Variants in TEX2 observed in about 807,000 individuals in gnomAD.
TEX2 encodes the protein testis-expressed protein 2.
TEX2 carries 53 observed loss-of-function variants against 106.9 expected under a neutral mutation model. That is an observed-to-expected ratio of 0.50 (90% CI 0.40 to 0.62). TEX2 has a LOEUF of 0.62. TEX2 is among the 20% of genes least tolerant of loss of function. The pLI, the probability that TEX2 is intolerant of heterozygous loss-of-function variation, is 0.00. For missense variants in TEX2, 1,207 were observed against 1,379.0 expected (o/e 0.88, Z 1.98); for synonymous variants, 523 against 534.8 (o/e 0.98, Z 0.30).
In TEX2 at chr17:64,194,901, G is replaced by C. The variant is rs746183528; in HGVS notation, c.1839C>G (p.Asp613Glu). 1.2e-6 allele frequency: 2 copies of C among 1,614,152 alleles called. No individual in the cohort carries two copies. The highest frequency in any genetic ancestry group is 2.7e-5 in the African/African-American group (2 of 75,044). Residue 613 changes from aspartate to glutamate, a missense_variant, in exon 3 of 12, where the codon GAC (aspartate) becomes GAG (glutamate). This residue lies in a region of TEX2 where 1,067 missense variants were observed against 1,193.6 expected (regional missense o/e 0.89). Coordinates refer to ENST00000584379, the MANE Select transcript of TEX2 (RefSeq NM_001288732.2). ...CAAAATTGCTCAGGCTCACCTTGCT[G>C]TCTGAGAGGTCATAGATTTTCTGGC... Reference protein sequence around the residue: ...YISQKIYDLSDSKIYLVPKTL... With the variant: ...YISQKIYDLSESKIYLVPKTL...
intron 7 of TEX2, among the ~76,000 whole-genome samples, chr17:64,167,293 G>A (rs1476526704): frequency 6.6e-6 from 1 of 152,108 alleles, no homozygotes; most frequent in Non-Finnish European, 1.5e-5. Flanking sequence ...GTTTTGTTTT[G>A]TTTTTGTTTA....
At chr17:64,206,616 T>C (rs797029496) in intron 2 of TEX2, among the ~76,000 whole-genome samples, 15 of 134,696 alleles carry the variant, frequency 1.1e-4, no homozygotes, top group African/African-American at 3.9e-4. Flanking sequence ...GCAATAAGAG[T>C]ACAGTGGTGC....
intron 7 of TEX2, among the ~76,000 whole-genome samples, chr17:64,163,122 T>A (rs1270338665): frequency 6.6e-6 from 1 of 152,016 alleles, no homozygotes; most frequent in Non-Finnish European, 1.5e-5. Flanking sequence ...CAAGAATGCT[T>A]TAAGAACTTT....
intron 2 of TEX2, among the ~76,000 whole-genome samples, chr17:64,197,519 C>CGTAT (rs1475006820): frequency 7.9e-5 from 12 of 152,124 alleles, no homozygotes; most frequent in African/African-American, 2.9e-4. Flanking sequence ...TCTTTCTTTT[C>CGTAT]GTATGTATGT....
chr17:64,164,884 G>A (rs1403104726), intron 7 of TEX2, among the ~76,000 whole-genome samples: 5 of 152,114 alleles, frequency 3.3e-5, no homozygotes, highest in Non-Finnish European at 5.9e-5. Context: ...CAGTCCTCCC[G>A]TGGCCATGTG....
chr17:64,233,050 A>G (rs1369461867), intron 1 of TEX2, among the ~76,000 whole-genome samples: 1 of 152,176 alleles, frequency 6.6e-6, no homozygotes, highest in Non-Finnish European at 1.5e-5. Flanking sequence ...CAAATGACCC[A>G]GCTCACCCCT....
At chr17:64,156,028 C>G (rs928382262) in intron 8 of TEX2, 1 of 152,302 alleles carries the variant, frequency 6.6e-6, no homozygotes, top group African/African-American at 2.4e-5. Context: ...GACACAGTTA[C>G]ATGGACAAGG....
intron 1 of TEX2, among the ~76,000 whole-genome samples, chr17:64,225,307 G>A (rs560982898): frequency 1.3e-5 from 2 of 152,072 alleles, no homozygotes; most frequent in African/African-American, 2.4e-5. Flanking sequence ...AACAAAAAAA[G>A]AATATTGTGG....
chr17:64,197,999 G>T (rs1359788700), intron 2 of TEX2, among the ~76,000 whole-genome samples: 2 of 152,030 alleles, frequency 1.3e-5, no homozygotes, highest in African/African-American at 4.8e-5. Flanking sequence ...TAGGCCCACA[G>T]GCTGTTTAGA....
At chr17:64,183,768 T>C (rs2031972448) in intron 5 of TEX2, among the ~76,000 whole-genome samples, 1 of 152,148 alleles carries the variant, frequency 6.6e-6, no homozygotes, top group African/African-American at 2.4e-5. Flanking sequence ...ATACTTGTTA[T>C]CATCTATCTT....
intron 1 of TEX2, among the ~76,000 whole-genome samples, chr17:64,215,021 T>A (rs2033142183): frequency 6.6e-6 from 1 of 152,234 alleles, no homozygotes; most frequent in African/African-American, 2.4e-5. Flanking sequence ...AACCAAGAAC[T>A]CTACCAAGGA....
At chr17:64,262,437 T>C (rs556214213) in intron 1 of TEX2, among the ~76,000 whole-genome samples, 1 of 152,366 alleles carries the variant, frequency 6.6e-6, no homozygotes, top group African/African-American at 2.4e-5. Context: ...CCAACTCCCA[T>C]GGCAGCCGTA....
At chr17:64,216,544 C>T (rs2033192102) in intron 1 of TEX2, among the ~76,000 whole-genome samples, 1 of 152,138 alleles carries the variant, frequency 6.6e-6, no homozygotes, top group Admixed American at 6.5e-5. Flanking sequence ...TGAATCGGTC[C>T]TTCAGGAACC....
At chr17:64,215,997 A>G (rs1282939475) in intron 1 of TEX2, among the ~76,000 whole-genome samples, 1 of 152,228 alleles carries the variant, frequency 6.6e-6, no homozygotes, top group Non-Finnish European at 1.5e-5. Context: ...ACATGGACTC[A>G]AGCTGAAACT....
intron 1 of TEX2, among the ~76,000 whole-genome samples, chr17:64,218,505 G>A (rs1296835245): frequency 1.4e-5 from 2 of 141,296 alleles, no homozygotes; most frequent in African/African-American, 5.5e-5. Context: ...TGCAACCTCC[G>A]CCTCCCAGGT....
chr17:64,153,396 C>T lies in TEX2; in HGVS notation c.2931-242G>A, dbSNP rs552193559. Reference sequence around the variant, plus strand: ...GACAATAAAAAATGTTGCCAGACATCGGCAAATGTCCTCTGGGGGGCCAAA... The same window carrying T: ...GACAATAAAAAATGTTGCCAGACATTGGCAAATGTCCTCTGGGGGGCCAAA... On this transcript the variant is annotated intron_variant, in intron 9 of 11. Coordinates refer to ENST00000584379, the MANE Select transcript of TEX2 (RefSeq NM_001288732.2). This position sits in a 1 kb window ranked among gnomAD's most constrained non-coding sequence, Gnocchi z 4.1. Among the ~76,000 whole-genome samples, 12 of 152,276 alleles carry T rather than the reference C, an allele frequency of 7.9e-5. No homozygotes were observed. The highest frequency in any genetic ancestry group is 3.4e-3 in the Middle Eastern group (1 of 294).
chr17:64,219,459 T>C lies in TEX2; in HGVS notation c.-25-5217A>G, dbSNP rs188722404. Among the ~76,000 whole-genome samples the C allele has an allele frequency of 4.1e-3, 623 of 151,076 alleles. 5 individuals carry two copies. The highest frequency in any genetic ancestry group is 0.015 in the African/African-American group (603 of 40,906). On this transcript the variant is annotated intron_variant, in intron 1 of 11. Coordinates refer to ENST00000584379, the MANE Select transcript of TEX2 (RefSeq NM_001288732.2). ...AGAAGGAGGTTTCAGTAAGGCAAGATTGGGCCACTGCACTCCAGCCTGGGC... is the reference window on the plus strand; with the variant it reads ...AGAAGGAGGTTTCAGTAAGGCAAGACTGGGCCACTGCACTCCAGCCTGGGC...
intron 7 of TEX2, among the ~76,000 whole-genome samples, chr17:64,167,402 T>C (rs544710473): frequency 6.6e-6 from 1 of 152,330 alleles, no homozygotes; most frequent in East Asian, 1.9e-4. Flanking sequence ...CAGGCAGCCA[T>C]GATAATAACA....
At chr17:64,201,559 T>G (rs2032660360) in intron 2 of TEX2, among the ~76,000 whole-genome samples, 1 of 152,114 alleles carries the variant, frequency 6.6e-6, no homozygotes, top group Non-Finnish European at 1.5e-5. Context: ...TGATTTGCCT[T>G]CCAATGTCTA....
Sources: allele counts gnomAD v4.1 joint callset (sites outside exome capture counted in the v4.1 genomes callset), GRCh38; gene constraint gnomAD v4.1.1; regional missense constraint gnomAD v4.1.1; non-coding constraint Gnocchi (gnomAD v3.1); transcripts MANE v1.5; gene names NCBI Gene and HGNC (gene_info 2026-07-23, HGNC 2026-07-21).